Variants in DOCK7 observed in about 807,000 individuals in gnomAD.
DOCK7 encodes dedicator of cytokinesis 7.
A neutral mutation model predicts 271.0 loss-of-function variants in DOCK7; 138 were observed. That is an observed-to-expected ratio of 0.51 (90% confidence interval 0.44 to 0.59). DOCK7 has a LOEUF of 0.59. Ranked by LOEUF, DOCK7 falls within the 20% of genes least tolerant of loss-of-function variation. The pLI, the probability that DOCK7 is intolerant of heterozygous loss-of-function variation, is 0.00. For synonymous variants in DOCK7, 823 were observed against 876.1 expected (o/e 0.94, Z 1.07); for missense variants, 2,066 against 2,592.4 (o/e 0.80, Z 4.41).
chr1:62,665,539 A>G (rs1659200303), intron 1 of DOCK7, among the ~76,000 whole-genome samples: 1 of 151,558 alleles, frequency 6.6e-6, no homozygotes. Context: ...CCCCGCCTCT[A>G]CTAAAAATAC....
Position 62,600,962 on chromosome 1 carries a change from A to G in DOCK7, c.1683-14338T>C, listed in dbSNP as rs531071581. 136 of 679,750 alleles carry G rather than the reference A, an allele frequency of 2.0e-4. 3 individuals carry two copies. Among genetic ancestry groups the G allele is most frequent in the Admixed American group, 1.0e-3 (45 of 44,628 alleles). 42.1% of individuals were successfully genotyped at this position (679,750 alleles called of 1,614,324 possible). A position where few individuals can be genotyped will look rare whatever the true frequency, so the allele number is the denominator to read the frequency against. On this transcript the variant is annotated intron_variant, in intron 14 of 49. Coordinates refer to ENST00000635253, the MANE Select transcript of DOCK7 (RefSeq NM_001367561.1). The stretch of plus-strand genomic sequence containing the variant: ...GAATAACACTGTTTATCTAAATATC[A>G]AACACCGTTATAACATTATGAACTG...
intron 16 of DOCK7, among the ~76,000 whole-genome samples, chr1:62,580,645 A>C (rs998513441): frequency 6.6e-6 from 1 of 152,160 alleles, no homozygotes; most frequent in Non-Finnish European, 1.5e-5. Context: ...TAAACATTGC[A>C]TTACTTTTGT....
chr1:62,554,958 T>C (rs1254753523), intron 21 of DOCK7, among the ~76,000 whole-genome samples: 1 of 152,234 alleles, frequency 6.6e-6, no homozygotes, highest in Non-Finnish European at 1.5e-5. Flanking sequence ...GTCACAATTA[T>C]TAGTCACCGT....
chr1:62,574,771 C>T (rs1023153920), intron 18 of DOCK7, among the ~76,000 whole-genome samples: 3 of 152,140 alleles, frequency 2.0e-5, no homozygotes, highest in African/African-American at 4.8e-5. Context: ...CTCTGCCGCC[C>T]AGGCTGGAGT....
rs370160892 is a variant in DOCK7, at chr1:62,555,883, T to C, written c.2538A>G (p.Ala846=). Residue 846 remains alanine, a synonymous_variant, in exon 21 of 50, where the codon GCA becomes GCG. Coordinates refer to ENST00000635253, the MANE Select transcript of DOCK7 (RefSeq NM_001367561.1). The part of the protein sequence containing the change: ...HDQHGRNSLL[A]SYIHYVFRLP... ...GGCGGAAAACATAATGAATATATGA[T>C]GCAAGAAGGCTGTTTCTGCCATGCT... 6 of 1,613,856 alleles carry C rather than the reference T, an allele frequency of 3.7e-6. No homozygotes were observed. In the African/African-American group the frequency reaches 4.0e-5, roughly 11 times the overall value.
intron 48 of DOCK7, among the ~76,000 whole-genome samples, chr1:62,462,462 T>C (rs980855082): frequency 4.6e-5 from 7 of 152,142 alleles, no homozygotes; most frequent in African/African-American, 1.7e-4. Context: ...TGTAGGAGAA[T>C]AAAGATCCCA....
At chr1:62,527,064 G>A (rs1427454544) in intron 31 of DOCK7, among the ~76,000 whole-genome samples, 3 of 152,052 alleles carry the variant, frequency 2.0e-5, no homozygotes, top group Non-Finnish European at 4.4e-5. Flanking sequence ...TTTTTGATAT[G>A]TAAATAATCT....
intron 49 of DOCK7, 64 bp from the exon 50 acceptor site, chr1:62,455,520 G>A (rs1487773365): frequency 1.4e-6 from 2 of 1,466,036 alleles, no homozygotes; most frequent in Non-Finnish European, 1.9e-6. Context: ...ACCTTTAAAT[G>A]TCTTACATGG....
intron 28 of DOCK7, among the ~76,000 whole-genome samples, chr1:62,537,494 G>A (rs1293872798): frequency 6.6e-6 from 1 of 151,750 alleles, no homozygotes; most frequent in Admixed American, 6.6e-5. Context: ...GCTGAAGCAG[G>A]AGAATCGCTT....
At chr1:62,474,921 A>G (rs1645927412) in intron 47 of DOCK7, among the ~76,000 whole-genome samples, 1 of 152,228 alleles carries the variant, frequency 6.6e-6, no homozygotes, top group Admixed American at 6.5e-5. Flanking sequence ...GGGGAAGGTA[A>G]CATCAGGGAG....
chr1:62,526,923 C>T (rs192739857), intron 31 of DOCK7, among the ~76,000 whole-genome samples: 49 of 152,116 alleles, frequency 3.2e-4, no homozygotes, highest in African/African-American at 8.9e-4. Context: ...GGGGTAGGAA[C>T]GACTGCTAAT....
intron 48 of DOCK7, among the ~76,000 whole-genome samples, chr1:62,463,571 C>A (rs1480631292): frequency 6.6e-6 from 1 of 152,100 alleles, no homozygotes; most frequent in African/African-American, 2.4e-5. Context: ...ACCAAAATAT[C>A]CATCAACAGA....
chr1:62,620,635 C>A (rs1458006001), intron 12 of DOCK7, among the ~76,000 whole-genome samples: 1 of 151,674 alleles, frequency 6.6e-6, no homozygotes, highest in Non-Finnish European at 1.5e-5. Flanking sequence ...AATCCCAGCA[C>A]TTTGGGAGGC....
chr1:62,611,333 G>A (rs1651760529), intron 14 of DOCK7, among the ~76,000 whole-genome samples: 1 of 152,050 alleles, frequency 6.6e-6, no homozygotes, highest in Admixed American at 6.6e-5. Context: ...AAATGCTTAA[G>A]ACCAGAAGTC....
At chr1:62,466,185 AG>A (rs1178438170) in intron 48 of DOCK7, among the ~76,000 whole-genome samples, 1 of 152,100 alleles carries the variant, frequency 6.6e-6, no homozygotes, top group East Asian at 1.9e-4. Flanking sequence ...TTGCCTGAAC[AG>A]GTTTTTTTTT....
At chr1:62,490,537 A>T (rs1199738859) in intron 41 of DOCK7, among the ~76,000 whole-genome samples, 1 of 152,192 alleles carries the variant, frequency 6.6e-6, no homozygotes, top group Non-Finnish European at 1.5e-5. Flanking sequence ...TGAATTTCCC[A>T]GTAAGTTCGT....
At chr1:62,570,198 G>A (rs980724788) in intron 18 of DOCK7, among the ~76,000 whole-genome samples, 2 of 152,182 alleles carry the variant, frequency 1.3e-5, no homozygotes, top group Non-Finnish European at 2.9e-5. Flanking sequence ...AGCAACTTCA[G>A]CAAAGTCTCA....
At chr1:62,498,584 T>C (rs1173448265) in intron 37 of DOCK7, among the ~76,000 whole-genome samples, 1 of 151,754 alleles carries the variant, frequency 6.6e-6, no homozygotes, top group Non-Finnish European at 1.5e-5. Flanking sequence ...ATTCATCTGT[T>C]ATTAAATGAA....
chr1:62,534,724 G>C (rs555330243), intron 29 of DOCK7, among the ~76,000 whole-genome samples: 1 of 152,226 alleles, frequency 6.6e-6, no homozygotes, highest in Non-Finnish European at 1.5e-5. Context: ...CACAACTTTG[G>C]AAGTTTTTAA....
Sources: gnomAD v4.1 joint callset for allele counts (sites outside exome capture counted in the v4.1 genomes callset) on GRCh38, gnomAD v4.1.1 for gene constraint, MANE v1.5 for transcripts, NCBI Gene and HGNC (gene_info 2026-07-23, HGNC 2026-07-21) for gene names.